Variants in SORCS2 observed in about 807,000 individuals in gnomAD.
The protein encoded by SORCS2 is VPS10 domain-containing receptor SorCS2.
Under a neutral mutation model 141.6 loss-of-function variants are expected in SORCS2, and 100 were observed. The ratio of observed to expected loss-of-function variants is 0.71; its 90% CI spans 0.60 to 0.83. The LOEUF is 0.83. Ranked by LOEUF, SORCS2 falls within the 40% of genes least tolerant of loss-of-function variation. The pLI, the probability that SORCS2 is intolerant of heterozygous loss-of-function variation, is 0.00. For synonymous variants in SORCS2, 789 were observed against 676.9 expected (o/e 1.17, Z -2.57); for missense variants, 1,646 against 1,560.2 (o/e 1.05, Z -0.93).
At chr4:7,400,817 G>T (rs576507005) in intron 2 of SORCS2, among the ~76,000 whole-genome samples, 4 of 151,958 alleles carry the variant, frequency 2.6e-5, no homozygotes, top group East Asian at 1.9e-4. Context: ...ATGGATAGAA[G>T]AATGGATGGA....
intron 15 of SORCS2, among the ~76,000 whole-genome samples, chr4:7,713,402 G>C (rs574878383): frequency 1.6e-4 from 24 of 152,154 alleles, no homozygotes; most frequent in African/African-American, 5.8e-4. Context: ...GAACTGCTCG[G>C]GGGTGGGTGG....
At chr4:7,283,656 G>A (rs192305445) in intron 1 of SORCS2, among the ~76,000 whole-genome samples, 2 of 152,218 alleles carry the variant, frequency 1.3e-5, no homozygotes, top group East Asian at 3.9e-4. Flanking sequence ...TTGGGTTGGC[G>A]GCAGTTTCTG....
intron 3 of SORCS2, among the ~76,000 whole-genome samples, chr4:7,545,708 T>G (rs965331905): frequency 2.0e-5 from 3 of 152,160 alleles, no homozygotes; most frequent in Admixed American, 6.5e-5. Flanking sequence ...CCACAGGCCC[T>G]GGAGAGCCTG....
intron 3 of SORCS2, among the ~76,000 whole-genome samples, chr4:7,566,969 A>T (rs1715062897): frequency 6.6e-6 from 1 of 152,264 alleles, no homozygotes; most frequent in South Asian, 2.1e-4. Flanking sequence ...CAGAGGGGGC[A>T]CATGAGTATT....
At chr4:7,652,802 C>T (rs1721525926) in intron 4 of SORCS2, among the ~76,000 whole-genome samples, 1 of 152,194 alleles carries the variant, frequency 6.6e-6, no homozygotes, top group Non-Finnish European at 1.5e-5. Flanking sequence ...CCCTGAGCGC[C>T]TCATCTTATC....
Position 7,724,759 on chromosome 4 carries a change from GTT to G in SORCS2, c.2612-394_2612-393del, listed in dbSNP as rs1187173938. 1.2e-4 allele frequency among the ~76,000 whole-genome samples: 17 copies of G among 139,336 alleles called. 1 individual carries two copies. The highest frequency in any genetic ancestry group is 1.8e-4 in the Non-Finnish European group (12 of 65,258). 91.4% of individuals were successfully genotyped at this position (139,336 alleles called of 152,430 possible). On this transcript the variant is annotated intron_variant, in intron 19 of 26. Transcript: ENST00000507866. ...TGGTAGTAGTGGTGATGGTGGTGGT[GTT>G]GGTGATGATGGTGGTGATGGTGCTG...
chr4:7,310,884 A>C (rs1197750271), intron 1 of SORCS2, among the ~76,000 whole-genome samples: 5 of 152,250 alleles, frequency 3.3e-5, no homozygotes, highest in Non-Finnish European at 1.5e-5. Context: ...ATCAGCTAGA[A>C]CAACATACCA....
intron 2 of SORCS2, among the ~76,000 whole-genome samples, chr4:7,459,292 T>C (rs1560302422): frequency 6.6e-6 from 1 of 152,086 alleles, no homozygotes; most frequent in Non-Finnish European, 1.5e-5. Flanking sequence ...AGTATTGCTA[T>C]GGAGAAGGCA....
At chr4:7,485,492 C>G (rs1263068228) in intron 2 of SORCS2, among the ~76,000 whole-genome samples, 1 of 152,282 alleles carries the variant, frequency 6.6e-6, no homozygotes, top group Non-Finnish European at 1.5e-5. Context: ...TGCCGGGCCT[C>G]ATGTCTGCCT....
intron 3 of SORCS2, among the ~76,000 whole-genome samples, chr4:7,626,861 C>T (rs1165210846): frequency 1.3e-5 from 2 of 152,226 alleles, no homozygotes; most frequent in African/African-American, 4.8e-5. Flanking sequence ...TGCCTAGGTG[C>T]TGGCTCAATG....
intron 3 of SORCS2, among the ~76,000 whole-genome samples, chr4:7,605,876 A>T (rs1431822373): frequency 6.6e-6 from 1 of 152,148 alleles, no homozygotes; most frequent in African/African-American, 2.4e-5. Flanking sequence ...GGTGGTGAGC[A>T]GAGAACACCC....
chr4:7,727,311 A>T (rs1276101418), intron 21 of SORCS2, among the ~76,000 whole-genome samples: 1 of 152,178 alleles, frequency 6.6e-6, no homozygotes, highest in South Asian at 2.1e-4. Context: ...TCCTGTCTAG[A>T]GAAACGCTGA....
intron 1 of SORCS2, among the ~76,000 whole-genome samples, chr4:7,391,832 C>T (rs1387042868): frequency 6.6e-6 from 1 of 152,184 alleles, no homozygotes; most frequent in Non-Finnish European, 1.5e-5. Flanking sequence ...CTTCCAGCCC[C>T]TCACCCAGAT....
chr4:7,559,438 A>G (rs1714372054), intron 3 of SORCS2, among the ~76,000 whole-genome samples: 1 of 152,098 alleles, frequency 6.6e-6, no homozygotes, highest in African/African-American at 2.4e-5. Context: ...TAGCTGAGAA[A>G]TTATGCAGGA....
chr4:7,251,644 G>A (rs1713514672), intron 1 of SORCS2, among the ~76,000 whole-genome samples: 1 of 152,146 alleles, frequency 6.6e-6, no homozygotes, highest in Non-Finnish European at 1.5e-5. Context: ...TGGGTAAATG[G>A]GTATGATAGG....
At chr4:7,202,695 T>A (rs986541200) in intron 1 of SORCS2, among the ~76,000 whole-genome samples, 1 of 152,160 alleles carries the variant, frequency 6.6e-6, no homozygotes, top group Non-Finnish European at 1.5e-5. Flanking sequence ...TCCATTCAGA[T>A]CAATTTTAAT....
At chr4:7,335,479 C>T (rs185774013) in intron 1 of SORCS2, among the ~76,000 whole-genome samples, 1 of 152,210 alleles carries the variant, frequency 6.6e-6, no homozygotes, top group Non-Finnish European at 1.5e-5. Flanking sequence ...TCCCAGGACG[C>T]CTTTTCTTTC....
chr4:7,246,335 A>T (rs116773987), intron 1 of SORCS2, among the ~76,000 whole-genome samples: 1,536 of 152,294 alleles, frequency 0.01, 11 homozygotes, highest in Middle Eastern at 0.037. Flanking sequence ...CCAGGGTGTT[A>T]TTATGGCTTA....
intron 1 of SORCS2, among the ~76,000 whole-genome samples, chr4:7,255,426 G>A (rs955189753): frequency 6.6e-6 from 1 of 152,132 alleles, no homozygotes; most frequent in Non-Finnish European, 1.5e-5. Flanking sequence ...GAGTTGGAGC[G>A]AATTGTCAGG....
Sources: gnomAD v4.1 joint callset for allele counts (sites outside exome capture counted in the v4.1 genomes callset) on GRCh38, gnomAD v4.1.1 for gene constraint, MANE v1.5 for transcripts, NCBI Gene and HGNC (gene_info 2026-07-23, HGNC 2026-07-21) for gene names.